The following NEO1 variants were observed in gnomAD, a reference collection of about 807,000 sequenced individuals.
The protein encoded by NEO1 is neogenin 1.
In NEO1, 63 loss-of-function variants were observed where a neutral mutation model predicts 159.7. The ratio of observed to expected loss-of-function variants is 0.39; its 90% CI spans 0.32 to 0.49. The LOEUF is 0.49. Ranked by LOEUF, NEO1 falls within the 20% of genes least tolerant of loss-of-function variation. The probability of loss-of-function intolerance (pLI) is 0.85; values close to 1 mark genes in which losing one functional copy is unlikely to be tolerated. For missense variants in NEO1, 1,615 were observed against 1,831.0 expected (o/e 0.88, Z 2.15); for synonymous variants, 633 against 662.0 (o/e 0.96, Z 0.67).
chr15:73,201,916 C>T (rs758636379), intron 7 of NEO1, among the ~76,000 whole-genome samples: 1 of 149,548 alleles, frequency 6.7e-6, no homozygotes, highest in African/African-American at 2.5e-5. Context: ...AAAGGTATTC[C>T]ATCTTTCTTT....
chr15:73,152,017 G>T (rs538465081), intron 5 of NEO1, among the ~76,000 whole-genome samples: 1 of 152,066 alleles, frequency 6.6e-6, no homozygotes, highest in African/African-American at 2.4e-5. Context: ...ATTAGTCAGG[G>T]TTATCCAAAG....
chr15:73,234,665 C>T (rs772334112), intron 7 of NEO1, among the ~76,000 whole-genome samples: 1 of 152,020 alleles, frequency 6.6e-6, no homozygotes, highest in Admixed American at 6.5e-5. Context: ...TACTTAACGT[C>T]GGGGCTAAAA....
chr15:73,257,375 A>G (rs1393553785), intron 13 of NEO1, among the ~76,000 whole-genome samples: 4 of 151,916 alleles, frequency 2.6e-5, no homozygotes, highest in Non-Finnish European at 4.4e-5. Flanking sequence ...AAATGGCTTT[A>G]TATTAAGAAA....
At chr15:73,079,559 T>C (rs1188648161) in intron 1 of NEO1, among the ~76,000 whole-genome samples, 3 of 152,222 alleles carry the variant, frequency 2.0e-5, no homozygotes, top group Non-Finnish European at 4.4e-5. Context: ...TTATTTTAAA[T>C]AAATGTCTCT....
Position 73,163,452 on chromosome 15 carries a change from C to T in NEO1, c.1016-12951C>T, listed in dbSNP as rs913118792. Among the ~76,000 whole-genome samples, 6 of 152,166 alleles carry T rather than the reference C, an allele frequency of 3.9e-5. 1 individual carries two copies. In the East Asian group the frequency reaches 9.6e-4, roughly 24 times the overall value. On this transcript the variant is annotated intron_variant, in intron 5 of 28. Coordinates refer to ENST00000261908, the MANE Select transcript of NEO1 (RefSeq NM_002499.4). Reference sequence around the variant, plus strand: ...TATGCTTCCAGGTGTCTTCAAAAAGCATTTACATACATGTACATCTACAAA... The same window carrying T: ...TATGCTTCCAGGTGTCTTCAAAAAGTATTTACATACATGTACATCTACAAA...
chr15:73,190,872 A>G (rs1339681582), intron 7 of NEO1, among the ~76,000 whole-genome samples: 2 of 151,958 alleles, frequency 1.3e-5, no homozygotes, highest in African/African-American at 2.4e-5. Flanking sequence ...TCTGCTGTTA[A>G]TGACTGGATT....
At chr15:73,224,034 G>C (rs1389464647) in intron 7 of NEO1, among the ~76,000 whole-genome samples, 1 of 152,190 alleles carries the variant, frequency 6.6e-6, no homozygotes, top group Non-Finnish European at 1.5e-5. Context: ...GTCTGGAAAA[G>C]ACTGTATCTT....
At chr15:73,253,501 CAG>C (rs1159779637) in intron 12 of NEO1, 52 bp downstream of exon 12, 2 of 1,280,084 alleles carry the variant, frequency 1.6e-6, no homozygotes, top group South Asian at 1.6e-5. Context: ...TGTTGCGCCT[CAG>C]AGGGGCTTAT....
In NEO1 at chr15:73,298,693, CT is replaced by C. The variant is rs1289450380; in HGVS notation, c.4165+85del. 39 of 1,552,370 alleles carry C rather than the reference CT, an allele frequency of 2.5e-5. 1 individual carries two copies. The East Asian group carries it at 8.6e-4, about 34-fold the overall frequency. On this transcript the variant is annotated intron_variant, in intron 27 of 28. Coordinates refer to ENST00000261908, the MANE Select transcript of NEO1 (RefSeq NM_002499.4). Reference sequence around the variant, plus strand: ...CAAGCTTGGGACAAAGCCACCCCTTCTTTGAAGTATAGCAAAGCAAATATCC... The same window carrying C: ...CAAGCTTGGGACAAAGCCACCCCTTCTTGAAGTATAGCAAAGCAAATATCC...
intron 18 of NEO1, among the ~76,000 whole-genome samples, chr15:73,271,735 C>T (rs2041178558): frequency 6.6e-6 from 1 of 151,952 alleles, no homozygotes; most frequent in East Asian, 1.9e-4. Flanking sequence ...GGCGAAACCC[C>T]ATCTCTACTA....
intron 7 of NEO1, among the ~76,000 whole-genome samples, chr15:73,220,923 A>G (rs531634758): frequency 6.6e-6 from 1 of 152,008 alleles, no homozygotes; most frequent in Non-Finnish European, 1.5e-5. Flanking sequence ...TCTTCTCTCA[A>G]CTCATCAAAG....
intron 5 of NEO1, among the ~76,000 whole-genome samples, chr15:73,174,665 C>T (rs146607462): frequency 1.5e-3 from 233 of 152,306 alleles, no homozygotes; most frequent in African/African-American, 5.2e-3. Context: ...ATATCCACTA[C>T]TGCAAAGAAG....
intron 7 of NEO1, among the ~76,000 whole-genome samples, chr15:73,225,957 G>A (rs977055139): frequency 5.3e-5 from 8 of 152,104 alleles, no homozygotes; most frequent in African/African-American, 1.9e-4. Flanking sequence ...GTGAGCTCCC[G>A]GGGCCTTTCT....
chr15:73,185,758 A>G (rs2151988977), intron 7 of NEO1, among the ~76,000 whole-genome samples: 1 of 151,864 alleles, frequency 6.6e-6, no homozygotes, highest in Non-Finnish European at 1.5e-5. Flanking sequence ...ATGGATAAAC[A>G]AAGTGTGATA....
chr15:73,131,757 C>G (rs562448756), intron 4 of NEO1, among the ~76,000 whole-genome samples: 2 of 152,302 alleles, frequency 1.3e-5, no homozygotes, highest in East Asian at 3.9e-4. Flanking sequence ...TTCCGTTGTT[C>G]TTAGGTTAAG....
chr15:73,231,182 C>T (rs561483154), intron 7 of NEO1, among the ~76,000 whole-genome samples: 4 of 152,232 alleles, frequency 2.6e-5, no homozygotes, highest in South Asian at 2.1e-4. Context: ...AGTTAAATAA[C>T]GCTGTCAACC....
intron 7 of NEO1, among the ~76,000 whole-genome samples, chr15:73,212,634 C>T (rs1270809193): frequency 6.6e-6 from 1 of 152,100 alleles, no homozygotes; most frequent in Non-Finnish European, 1.5e-5. Context: ...TTTGACTCAG[C>T]ATTTCCACTT....
chr15:73,106,575 A>G (rs894764800), intron 1 of NEO1, among the ~76,000 whole-genome samples: 3 of 152,188 alleles, frequency 2.0e-5, no homozygotes, highest in Non-Finnish European at 2.9e-5. Flanking sequence ...ACCAATAACT[A>G]CATGTCACAC....
chr15:73,112,056 C>T (rs2071026811), intron 1 of NEO1, among the ~76,000 whole-genome samples: 1 of 152,122 alleles, frequency 6.6e-6, no homozygotes, highest in Non-Finnish European at 1.5e-5. Flanking sequence ...CTCCCAGTAA[C>T]CAGTAGTAAC....
Sources: allele counts gnomAD v4.1 joint callset (sites outside exome capture counted in the v4.1 genomes callset), GRCh38; gene constraint gnomAD v4.1.1; transcripts MANE v1.5; gene names NCBI Gene and HGNC (gene_info 2026-07-23, HGNC 2026-07-21).